Variants in MAU2 observed in about 807,000 individuals in gnomAD.
The protein encoded by MAU2 is MAU2 sister chromatid cohesion factor, also known as MAU2 chromatid cohesion factor homolog.
Under a neutral mutation model 89.1 loss-of-function variants are expected in MAU2, and 9 were observed. The observed-to-expected ratio is 0.10, with a 90% CI of 0.06 to 0.18. The LOEUF (loss-of-function observed/expected upper bound fraction) is 0.18. Among genes scored for constraint, MAU2 ranks in the 10% least tolerant of loss-of-function variants. MAU2 has a pLI of 1.00. For missense variants in MAU2, 425 were observed against 803.5 expected (o/e 0.53, Z 5.69); for synonymous variants, 357 against 343.4 (o/e 1.04, Z -0.44).
In MAU2 at chr19:19,350,622, C is replaced by T. The variant is rs145895251; in HGVS notation, c.1548+1186C>T. 9.3e-3 allele frequency among the ~76,000 whole-genome samples: 1,408 copies of T among 150,906 alleles called. 16 individuals carry two copies. Among genetic ancestry groups the T allele is most frequent in the Non-Finnish European group, 0.014 (948 of 67,694 alleles). On this transcript the variant is annotated intron_variant, in intron 16 of 18. Transcript: ENST00000262815. ...GACTCCATCTCAAAAAAAAAAAGGCCGGGCATGGTGGCTCACGCCTGTAAT... is the reference window on the plus strand; with the variant it reads ...GACTCCATCTCAAAAAAAAAAAGGCTGGGCATGGTGGCTCACGCCTGTAAT...
Position 19,345,406 on chromosome 19 carries a change from C to G in MAU2, c.1221+37C>G. Reference sequence around the variant, plus strand: ...GCCCTCCTTGCTGCTCGGGGCGGGCCACACTTCTGAGTAAGGAGTCGGGCG... The same window carrying G: ...GCCCTCCTTGCTGCTCGGGGCGGGCGACACTTCTGAGTAAGGAGTCGGGCG... On this transcript the variant is annotated intron_variant, in intron 12 of 18. Transcript: ENST00000262815. This position sits in a 1 kb window ranked among gnomAD's most constrained non-coding sequence, Gnocchi z 4.9. 2 of 1,604,586 alleles carry G rather than the reference C, an allele frequency of 1.2e-6. No individual in the cohort carries two copies. The highest frequency in any genetic ancestry group is 1.7e-6 in the Non-Finnish European group (2 of 1,173,314).
At chr19:19,337,724 A>G (rs1459576003) in intron 4 of MAU2, among the ~76,000 whole-genome samples, 4 of 152,148 alleles carry the variant, frequency 2.6e-5, no homozygotes, top group East Asian at 1.9e-4. Context: ...GGCCATGTCA[A>G]GCATTGTGTC....
At chr19:19,351,702 G>C (rs2061746036) in intron 16 of MAU2, among the ~76,000 whole-genome samples, 1 of 151,950 alleles carries the variant, frequency 6.6e-6, no homozygotes, top group Admixed American at 6.6e-5. Flanking sequence ...TATTTTTCTA[G>C]ATTATAAAAT....
chr19:19,338,712 T>C, intron 4 of MAU2, 133 bp from the exon 5 acceptor site: 1 of 637,290 alleles, frequency 1.6e-6, no homozygotes, highest in Non-Finnish European at 2.8e-6. Context: ...TTTGGTTAAT[T>C]TAGCTCAAAA....
Position 19,344,836 on chromosome 19 carries a change from T to C in MAU2, c.1078-13T>C. The C allele has an allele frequency of 1.9e-6, 3 of 1,611,976 alleles. No individual in the cohort carries two copies. Among genetic ancestry groups the C allele is most frequent in the Non-Finnish European group, 2.5e-6 (3 of 1,178,730 alleles). On this transcript the variant is annotated splice_polypyrimidine_tract_variant and intron_variant, in intron 10 of 18. Coordinates refer to ENST00000262815, the MANE Select transcript of MAU2 (RefSeq NM_015329.4). ...TTGCAGTCCTGTGATGGCAGTACAC[T>C]CTCTCCCGGCAGATCTCCCAGGTCT...
At chr19:19,340,288 A>C (rs1415893674) in intron 5 of MAU2, among the ~76,000 whole-genome samples, 6 of 150,882 alleles carry the variant, frequency 4.0e-5, no homozygotes, top group Admixed American at 4.0e-4. Context: ...AATCGAGATC[A>C]CACCATTGCA....
At chr19:19,353,300 C>T (rs1267096157) in intron 16 of MAU2, 5 of 152,232 alleles carry the variant, frequency 3.3e-5, no homozygotes, top group African/African-American at 9.6e-5. Context: ...AGACAGAGGT[C>T]CTTGGCTTTC....
intron 1 of MAU2, chr19:19,334,322 C>T (rs1396264634): frequency 1.0e-6 from 1 of 985,580 alleles, no homozygotes; most frequent in Non-Finnish European, 1.2e-6. Context: ...GGCCTGTGGT[C>T]TGGGCTCCTG....
chr19:19,329,956 ATTATTTATTTATTTAT>A (rs139674702), intron 1 of MAU2, among the ~76,000 whole-genome samples: 1 of 151,014 alleles, frequency 6.6e-6, no homozygotes, highest in Non-Finnish European at 1.5e-5. Context: ...TGTCTTTTTA[ATTATTTATTTATTTAT>A]TTATTTATTT....
At chr19:19,322,641 G>A (rs1031795854) in intron 1 of MAU2, among the ~76,000 whole-genome samples, 1 of 152,060 alleles carries the variant, frequency 6.6e-6, no homozygotes, top group African/African-American at 2.4e-5. Flanking sequence ...ATTTCAGGCT[G>A]TGGAGTCGTT....
At chr19:19,340,279 A>G (rs771522853) in intron 5 of MAU2, among the ~76,000 whole-genome samples, 34 of 148,872 alleles carry the variant, frequency 2.3e-4, no homozygotes, top group East Asian at 4.0e-4. Context: ...GTTGCAGTGA[A>G]TCGAGATCAC....
intron 10 of MAU2, chr19:19,344,495 TG>T (rs1286838362): frequency 5.7e-6 from 2 of 353,724 alleles, no homozygotes; most frequent in South Asian, 4.3e-5. Context: ...TCTGGGGATT[TG>T]GGGGGTCCTT....
At chr19:19,352,182 G>A (rs1422283224) in intron 16 of MAU2, 1 of 151,552 alleles carries the variant, frequency 6.6e-6, no homozygotes, top group African/African-American at 2.4e-5. Flanking sequence ...TGTATTGGAA[G>A]CTTTTTTTTT....
intron 1 of MAU2, chr19:19,334,336 G>GT: frequency 1.0e-6 from 1 of 985,676 alleles, no homozygotes; most frequent in Non-Finnish European, 1.2e-6. Flanking sequence ...GCTCCTGCGT[G>GT]TGGGTGCATG....
chr19:19,349,451 C>T lies in MAU2; in HGVS notation c.1548+15C>T, dbSNP rs1339866694. 1.2e-6 allele frequency: 2 copies of T among 1,609,400 alleles called. No homozygotes were observed. Among genetic ancestry groups the T allele is most frequent in the African/African-American group, 1.3e-5 (1 of 74,880 alleles). On this transcript the variant is annotated intron_variant, in intron 16 of 18. Coordinates refer to ENST00000262815, the MANE Select transcript of MAU2 (RefSeq NM_015329.4). Reference sequence around the variant, plus strand: ...GAAACCACAGGGTGAGTGCCCTGGCCTGGGCCCCTCGCTTGGGTGCCTGTG... The same window carrying T: ...GAAACCACAGGGTGAGTGCCCTGGCTTGGGCCCCTCGCTTGGGTGCCTGTG...
intron 13 of MAU2, 93 bp from the exon 14 acceptor site, chr19:19,348,796 G>A (rs1031250308): frequency 3.0e-6 from 4 of 1,351,306 alleles, no homozygotes; most frequent in Non-Finnish European, 4.2e-6. Flanking sequence ...TCCCGACGGG[G>A]GTGTAGAGAA....
In MAU2 at chr19:19,349,975, A is replaced by ATTTT. The variant is rs34536394; in HGVS notation, c.1548+560_1548+563dup. On this transcript the variant is annotated intron_variant, in intron 16 of 18. Coordinates refer to ENST00000262815, the MANE Select transcript of MAU2 (RefSeq NM_015329.4). ...ACCCACTGATCTCACGAGGTCTTGAATTTTTTTTTTTTTTTTTTTTTTTTA... is the reference window on the plus strand; with the variant it reads ...ACCCACTGATCTCACGAGGTCTTGAATTTTTTTTTTTTTTTTTTTTTTTTTTTTA... Among the ~76,000 whole-genome samples the ATTTT allele has an allele frequency of 1.3e-4, 14 of 111,230 alleles. No individual in the cohort carries two copies. In the South Asian group the frequency reaches 2.4e-3, roughly 19 times the overall value. 73.0% of individuals were successfully genotyped at this position (111,230 alleles called of 152,430 possible).
At chr19:19,331,986 C>T (rs769206650) in intron 1 of MAU2, among the ~76,000 whole-genome samples, 28 of 152,240 alleles carry the variant, frequency 1.8e-4, no homozygotes, top group Admixed American at 9.8e-4. Flanking sequence ...GAAAGGCATA[C>T]GCCTCCGTTC....
In MAU2 at chr19:19,358,544, A is replaced by G. The variant is rs1383546421; in HGVS notation, c.*2762A>G. ...TCTCTTCGTTTTGTTAAGGTTTTTA[A>G]TAAGTACGTTTGGCATAATGTCTTT... On this transcript the variant is annotated 3_prime_UTR_variant, in exon 19 of 19. Transcript: ENST00000262815. The G allele has an allele frequency of 1.3e-5, 2 of 152,204 alleles. No individual in the cohort carries two copies. The highest frequency in any genetic ancestry group is 2.1e-4 in the South Asian group (1 of 4,832). The allele number at this position is 152,204 out of a possible 1,614,324, so 9.4% of individuals were successfully genotyped here.
Sources: gnomAD v4.1 joint callset for allele counts (sites outside exome capture counted in the v4.1 genomes callset) on GRCh38, gnomAD v4.1.1 for gene constraint, Gnocchi (gnomAD v3.1) non-coding constraint, MANE v1.5 for transcripts, NCBI Gene and HGNC (gene_info 2026-07-23, HGNC 2026-07-21) for gene names.